CD9: variants seen among roughly 807,000 people sequenced by gnomAD.
CD9 encodes CD9 molecule, also known as CD9 antigen.
CD9 carries 10 observed loss-of-function variants against 31.4 expected under a neutral mutation model. The observed-to-expected ratio is 0.32, with a 90% confidence interval of 0.20 to 0.54. The LOEUF (loss-of-function observed/expected upper bound fraction) is 0.54. Among genes scored for constraint, CD9 ranks in the 20% least tolerant of loss-of-function variants. The probability of loss-of-function intolerance (pLI) is 0.94; values close to 1 mark genes in which losing one functional copy is unlikely to be tolerated. For synonymous variants in CD9, 113 were observed against 114.1 expected (o/e 0.99, Z 0.06); for missense variants, 259 against 300.1 (o/e 0.86, Z 1.01).
chr12:6,212,983 C>T lies in CD9; in HGVS notation c.66+12418C>T, dbSNP rs996267961. The stretch of plus-strand genomic sequence containing the variant: ...GGGCAAGGAGTTGTCTTGATAGAAA[C>T]GCTGATTCCCGTGGGGAGACAGCAA... On this transcript the variant is annotated intron_variant, in intron 1 of 7. Transcript: ENST00000009180. 9.9e-5 allele frequency among the ~76,000 whole-genome samples: 15 copies of T among 152,238 alleles called. No homozygotes were observed. In the East Asian group the frequency reaches 1.7e-3, roughly 18 times the overall value.
intron 1 of CD9, among the ~76,000 whole-genome samples, chr12:6,215,734 C>G (rs896000409): frequency 6.6e-6 from 1 of 152,188 alleles, no homozygotes; most frequent in African/African-American, 2.4e-5. Context: ...GGGCTGTGAT[C>G]TCTGGGGCTT....
intron 3 of CD9, chr12:6,233,149 G>A (rs921295729): frequency 3.1e-5 from 21 of 678,094 alleles, no homozygotes; most frequent in African/African-American, 2.7e-4. Flanking sequence ...CTTAACTAAC[G>A]CCTTGTAAAT....
intron 1 of CD9, chr12:6,224,941 C>T (rs1329052402): frequency 1.3e-5 from 2 of 153,504 alleles, no homozygotes; most frequent in East Asian, 3.8e-4. Context: ...GCATAATTTC[C>T]TCCTCCACCT....
At chr12:6,221,507 T>A (rs74056875) in intron 1 of CD9, among the ~76,000 whole-genome samples, 96 of 152,312 alleles carry the variant, frequency 6.3e-4, no homozygotes, top group African/African-American at 2.3e-3. Context: ...ATGGTCAGCA[T>A]GCCGCCATAT....
chr12:6,209,965 G>A (rs566054946), intron 1 of CD9, among the ~76,000 whole-genome samples: 12 of 152,164 alleles, frequency 7.9e-5, no homozygotes, highest in Non-Finnish European at 1.5e-4. Context: ...GATTACAGGC[G>A]TGAGTCACCG....
chr12:6,226,441 G>A (rs994248986), intron 2 of CD9: 1 of 152,218 alleles, frequency 6.6e-6, no homozygotes, highest in Non-Finnish European at 1.5e-5. Flanking sequence ...GGCTCAAAAT[G>A]TAAGTTTGGT....
At chr12:6,221,813 CAAAAAA>C (rs34034952) in intron 1 of CD9, among the ~76,000 whole-genome samples, 7 of 62,062 alleles carry the variant, frequency 1.1e-4, no homozygotes. Context: ...CCTGGCTCTA[CAAAAAA>C]AAAAAAAAAA....
At chr12:6,223,358 C>T (rs1319156795) in intron 1 of CD9, among the ~76,000 whole-genome samples, 9 of 151,844 alleles carry the variant, frequency 5.9e-5, no homozygotes, top group African/African-American at 1.5e-4. Context: ...GCCTCCCGGG[C>T]TCACGCCATT....
At chr12:6,206,907 T>TC in intron 1 of CD9, among the ~76,000 whole-genome samples, 1 of 152,124 alleles carries the variant, frequency 6.6e-6, no homozygotes, top group East Asian at 1.9e-4. Flanking sequence ...GACATTTTTT[T>TC]TTTTTTTGCC....
intron 1 of CD9, among the ~76,000 whole-genome samples, chr12:6,211,974 G>C (rs1946198055): frequency 6.6e-6 from 1 of 152,176 alleles, no homozygotes; most frequent in Non-Finnish European, 1.5e-5. Context: ...AAATGATGCT[G>C]ACTTTGTCCT....
At chr12:6,219,419 A>G (rs1160525275) in intron 1 of CD9, among the ~76,000 whole-genome samples, 1 of 152,176 alleles carries the variant, frequency 6.6e-6, no homozygotes, top group Admixed American at 6.5e-5. Context: ...TTCCCCAAAT[A>G]TTCCCCAACC....
chr12:6,207,991 G>A (rs1351435107), intron 1 of CD9, among the ~76,000 whole-genome samples: 3 of 152,124 alleles, frequency 2.0e-5, no homozygotes, highest in South Asian at 4.1e-4. Flanking sequence ...TTGGGAGGCC[G>A]AGACAGGCGG....
chr12:6,233,194 C>G (rs1207515357), intron 3 of CD9: 1 of 639,766 alleles, frequency 1.6e-6, no homozygotes, highest in Non-Finnish European at 2.8e-6. Context: ...CAGCTCTTTC[C>G]TCATGTCCGG....
intron 1 of CD9, among the ~76,000 whole-genome samples, chr12:6,211,659 A>G (rs1189962272): frequency 6.6e-6 from 1 of 152,234 alleles, no homozygotes; most frequent in Non-Finnish European, 1.5e-5. Flanking sequence ...CGAGGCATAC[A>G]CAACGGAAAA....
At chr12:6,211,329 G>T (rs1271144946) in intron 1 of CD9, among the ~76,000 whole-genome samples, 1 of 152,200 alleles carries the variant, frequency 6.6e-6, no homozygotes, top group Non-Finnish European at 1.5e-5. Flanking sequence ...AGGAGCTCCT[G>T]GCAGAGGGGT....
chr12:6,205,138 C>G (rs1044010458), intron 1 of CD9, among the ~76,000 whole-genome samples: 1 of 152,246 alleles, frequency 6.6e-6, no homozygotes, highest in Admixed American at 6.5e-5. Flanking sequence ...GCTCCCACCT[C>G]CAGTGCCCAG....
chr12:6,225,801 G>A, intron 2 of CD9: 1 of 460,600 alleles, frequency 2.2e-6, no homozygotes, highest in Non-Finnish European at 3.9e-6. Flanking sequence ...CTCTGCCAAA[G>A]TTGTACTCAT....
chr12:6,223,971 G>GA (rs1946328439), intron 1 of CD9, among the ~76,000 whole-genome samples: 1 of 152,210 alleles, frequency 6.6e-6, no homozygotes, highest in Non-Finnish European at 1.5e-5. Context: ...GCCTGTGTGA[G>GA]TTTTTCTCCT....
At chr12:6,216,494 CCTCT>C (rs1445113989) in intron 1 of CD9, among the ~76,000 whole-genome samples, 1 of 152,102 alleles carries the variant, frequency 6.6e-6, no homozygotes. Flanking sequence ...AGGAAAATCC[CCTCT>C]CTCTCTGTTA....
Sources: gnomAD v4.1 joint callset for allele counts (sites outside exome capture counted in the v4.1 genomes callset) on GRCh38, gnomAD v4.1.1 for gene constraint, MANE v1.5 for transcripts, NCBI Gene and HGNC (gene_info 2026-07-23, HGNC 2026-07-21) for gene names.